The following RHBDD1 variants were observed in gnomAD, a reference collection of about 807,000 sequenced individuals.
RHBDD1 encodes rhomboid domain containing 1.
In RHBDD1, 38 loss-of-function variants were observed where a neutral mutation model predicts 36.3. The ratio of observed to expected loss-of-function variants is 1.05; its 90% CI spans 0.81 to 1.37. The LOEUF is 1.37. Ranked by LOEUF, RHBDD1 falls within the 40% of genes most tolerant of loss-of-function variation. The pLI is 0.00. For synonymous variants in RHBDD1, 151 were observed against 136.5 expected (o/e 1.11, Z -0.74); for missense variants, 393 against 377.6 (o/e 1.04, Z -0.34).
chr2:226,904,280 C>T (rs558542117), intron 5 of RHBDD1, among the ~76,000 whole-genome samples: 9 of 152,174 alleles, frequency 5.9e-5, no homozygotes, highest in Non-Finnish European at 1.3e-4. Flanking sequence ...TGGACGTTGC[C>T]GTGAGGCTGA....
At chr2:226,867,494 C>A in intron 5 of RHBDD1, 176 bp downstream of exon 5, 1 of 832,844 alleles carries the variant, frequency 1.2e-6, no homozygotes, top group Non-Finnish European at 1.4e-6. Flanking sequence ...TGAATCTTTT[C>A]AACTATTAAG....
At chr2:226,878,850 A>T (rs1945457928) in intron 5 of RHBDD1, among the ~76,000 whole-genome samples, 1 of 152,184 alleles carries the variant, frequency 6.6e-6, no homozygotes, top group Non-Finnish European at 1.5e-5. Flanking sequence ...GGAAAAGTAG[A>T]ATGAAAAGTG....
chr2:226,957,560 C>T (rs1165505583), intron 8 of RHBDD1, among the ~76,000 whole-genome samples: 2 of 116,670 alleles, frequency 1.7e-5, no homozygotes, highest in Non-Finnish European at 1.7e-5. Flanking sequence ...TACTCTCTAC[C>T]GCCCCCACCC....
intron 5 of RHBDD1, among the ~76,000 whole-genome samples, chr2:226,891,960 A>G (rs10205730): frequency 0.21 from 31,352 of 152,078 alleles, 5,538 homozygotes; most frequent in African/African-American, 0.48. Context: ...TCTGGCTGCC[A>G]GGAAGCTGAG....
intron 3 of RHBDD1, among the ~76,000 whole-genome samples, chr2:226,861,205 C>CA (rs1245503967): frequency 1.3e-5 from 2 of 152,034 alleles, no homozygotes; most frequent in East Asian, 3.9e-4. Flanking sequence ...AAAAGAATTA[C>CA]AAAAATCATT....
intron 3 of RHBDD1, among the ~76,000 whole-genome samples, chr2:226,839,944 C>G (rs1412927872): frequency 6.6e-6 from 1 of 152,034 alleles, no homozygotes; most frequent in South Asian, 2.1e-4. Context: ...GTTTATAGCC[C>G]TATCATTTTT....
At chr2:226,939,244 C>G (rs13431342) in intron 8 of RHBDD1, among the ~76,000 whole-genome samples, 1 of 152,178 alleles carries the variant, frequency 6.6e-6, no homozygotes, top group Non-Finnish European at 1.5e-5. Flanking sequence ...TCTCTCACCA[C>G]TCCTATTCAA....
chr2:226,874,647 G>A (rs551900378), intron 5 of RHBDD1, among the ~76,000 whole-genome samples: 1 of 152,084 alleles, frequency 6.6e-6, no homozygotes, highest in South Asian at 2.1e-4. Flanking sequence ...CAGGACACTT[G>A]TGATTGCATT....
At chr2:226,852,269 TC>T (rs1164777539) in intron 3 of RHBDD1, among the ~76,000 whole-genome samples, 1 of 152,206 alleles carries the variant, frequency 6.6e-6, no homozygotes, top group African/African-American at 2.4e-5. Flanking sequence ...AATTTAAAGT[TC>T]CGTTTTTATA....
chr2:226,976,709 C>T (rs930435861), intron 8 of RHBDD1, among the ~76,000 whole-genome samples: 5 of 152,144 alleles, frequency 3.3e-5, no homozygotes, highest in South Asian at 2.1e-4. Flanking sequence ...AGTACCTTAA[C>T]GGGGCCTGGG....
chr2:226,975,948 G>T (rs115610416), intron 8 of RHBDD1, among the ~76,000 whole-genome samples: 664 of 152,168 alleles, frequency 4.4e-3, no homozygotes, highest in Middle Eastern at 0.01. Flanking sequence ...GTTGTGTTCT[G>T]TATCTAGATC....
intron 8 of RHBDD1, among the ~76,000 whole-genome samples, chr2:226,918,537 T>C (rs1949082496): frequency 6.6e-6 from 1 of 152,042 alleles, no homozygotes; most frequent in South Asian, 2.1e-4. Flanking sequence ...AATTTATAGC[T>C]CCCACAAATA....
chr2:226,940,698 T>C (rs1950609572), intron 8 of RHBDD1, among the ~76,000 whole-genome samples: 1 of 152,214 alleles, frequency 6.6e-6, no homozygotes, highest in Non-Finnish European at 1.5e-5. Context: ...TGTAATATGC[T>C]AGCACTGAAA....
At chr2:226,936,435 A>G (rs575446811) in intron 8 of RHBDD1, among the ~76,000 whole-genome samples, 108 of 152,264 alleles carry the variant, frequency 7.1e-4, no homozygotes, top group African/African-American at 2.5e-3. Flanking sequence ...AGAGAGATAC[A>G]TGGAATTTAA....
At chr2:226,836,493 A>G (rs769121130) in intron 1 of RHBDD1, among the ~76,000 whole-genome samples, 1 of 152,244 alleles carries the variant, frequency 6.6e-6, no homozygotes, top group Admixed American at 6.5e-5. Context: ...GACAGCTTTC[A>G]GTTTCTCAGA....
intron 8 of RHBDD1, among the ~76,000 whole-genome samples, chr2:226,915,387 T>G (rs546490398): frequency 1.1e-3 from 162 of 151,708 alleles, no homozygotes; most frequent in African/African-American, 3.7e-3. Flanking sequence ...GGAAGAAGAG[T>G]GGGAAGCTAG....
intron 8 of RHBDD1, among the ~76,000 whole-genome samples, chr2:226,938,853 T>C (rs1950505333): frequency 6.6e-6 from 1 of 152,204 alleles, no homozygotes. Flanking sequence ...CCAATATCTT[T>C]GATGAACATC....
intron 8 of RHBDD1, among the ~76,000 whole-genome samples, chr2:226,980,314 C>T (rs1207378658): frequency 6.6e-6 from 1 of 152,134 alleles, no homozygotes; most frequent in East Asian, 1.9e-4. Flanking sequence ...ACTCTCGTTC[C>T]CCACCAGAGC....
At chr2:226,956,027 C>T (rs1442286859) in intron 8 of RHBDD1, among the ~76,000 whole-genome samples, 1 of 152,050 alleles carries the variant, frequency 6.6e-6, no homozygotes, top group Non-Finnish European at 1.5e-5. Context: ...CCATGACAGC[C>T]CTATGAAGTC....
Sources: allele counts gnomAD v4.1 joint callset (sites outside exome capture counted in the v4.1 genomes callset), GRCh38; gene constraint gnomAD v4.1.1; transcripts MANE v1.5; gene names NCBI Gene and HGNC (gene_info 2026-07-23, HGNC 2026-07-21).